MED12L: variants seen among roughly 807,000 people sequenced by gnomAD.
MED12L encodes the protein mediator complex subunit 12L, also known as mediator of RNA polymerase II transcription subunit 12-like protein.
MED12L carries 60 observed loss-of-function variants against 281.3 expected under a neutral mutation model. That is an observed-to-expected ratio of 0.21 (90% confidence interval 0.17 to 0.26). The LOEUF (loss-of-function observed/expected upper bound fraction) is 0.26. MED12L is among the 10% of genes least tolerant of loss of function. The pLI is 1.00. For synonymous variants in MED12L, 974 were observed against 987.2 expected (o/e 0.99, Z 0.25); for missense variants, 2,146 against 2,680.9 (o/e 0.80, Z 4.41).
Position 151,122,957 on chromosome 3 carries a change from TCTATTTTGGC to T in MED12L, c.380_389del (p.Ser127Ter). On this transcript the variant is annotated frameshift_variant, in exon 4 of 45. Transcript: ENST00000687756. LOFTEE classifies it high-confidence loss of function. ...TGACTTAGCAGGAAATAAGCCACTT[TCTATTTTGGC>T]AAAAAAGGTATCAAATATTTCTTAC... 1 of 1,605,510 alleles carries T rather than the reference TCTATTTTGGC, an allele frequency of 6.2e-7. No homozygotes were observed. Among genetic ancestry groups the T allele is most frequent in the Admixed American group, 1.7e-5 (1 of 58,394 alleles).
At chr3:151,115,978 G>T (rs1386379688) in intron 2 of MED12L, among the ~76,000 whole-genome samples, 1 of 148,602 alleles carries the variant, frequency 6.7e-6, no homozygotes, top group Non-Finnish European at 1.5e-5. Context: ...AAAGGAGAAT[G>T]GCTTGAACCC....
intron 5 of MED12L, among the ~76,000 whole-genome samples, chr3:151,137,641 A>G (rs927820913): frequency 6.6e-6 from 1 of 152,184 alleles, no homozygotes; most frequent in South Asian, 2.1e-4. Context: ...CCTATTTAAC[A>G]AGAAAGAGTT....
rs959952125 is a variant in MED12L at position 151,206,220 on chromosome 3, A to G, written c.2250+12554A>G. 3.3e-5 allele frequency among the ~76,000 whole-genome samples: 5 copies of G among 151,826 alleles called. No homozygotes were observed. In the East Asian group the frequency reaches 7.7e-4, roughly 23 times the overall value. ...TAGTTTTAAAGTGAAATGTAGACGT[A>G]TGGTTTCCATGTTACTGTTTCTGTA... On this transcript the variant is annotated intron_variant, in intron 16 of 44. Coordinates refer to ENST00000687756, the MANE Select transcript of MED12L (RefSeq NM_001393769.1).
At chr3:151,424,106 T>A (rs1718582760) in intron 43 of MED12L, among the ~76,000 whole-genome samples, 1 of 152,218 alleles carries the variant, frequency 6.6e-6, no homozygotes, top group South Asian at 2.1e-4. Context: ...CAGGCACAGA[T>A]AATATGATTC....
intron 16 of MED12L, among the ~76,000 whole-genome samples, chr3:151,317,529 CA>C (rs1748440398): frequency 7.7e-6 from 1 of 130,358 alleles, no homozygotes; most frequent in African/African-American, 2.8e-5. Flanking sequence ...CAGCTTGCTG[CA>C]ACCTCCACCT....
chr3:151,126,341 G>A (rs887597927), intron 4 of MED12L, among the ~76,000 whole-genome samples: 4 of 152,100 alleles, frequency 2.6e-5, no homozygotes, highest in Non-Finnish European at 5.9e-5. Context: ...GCCGTGCAGG[G>A]CCTATATGCT....
intron 16 of MED12L, chr3:151,214,085 T>C: frequency 1.2e-6 from 2 of 1,614,052 alleles, no homozygotes; most frequent in Non-Finnish European, 1.7e-6. Context: ...TCACCAAGGA[T>C]CTTGAAAGGA....
At chr3:151,289,522 C>T (rs9863983) in intron 16 of MED12L, among the ~76,000 whole-genome samples, 109,963 of 152,098 alleles carry the variant, frequency 0.72, 40,211 homozygotes, top group Middle Eastern at 0.86. Context: ...TTCTGTGTTA[C>T]GAAAGATATT....
At chr3:151,402,200 C>T (rs1163121833) in intron 39 of MED12L, among the ~76,000 whole-genome samples, 2 of 152,174 alleles carry the variant, frequency 1.3e-5, no homozygotes, top group East Asian at 3.8e-4. Flanking sequence ...TTTGCTTCAT[C>T]TCTATCTCCA....
At chr3:151,136,471 A>G (rs1716155630) in intron 5 of MED12L, among the ~76,000 whole-genome samples, 1 of 152,252 alleles carries the variant, frequency 6.6e-6, no homozygotes, top group African/African-American at 2.4e-5. Flanking sequence ...AAGTGCTTGT[A>G]TAAGCTTAGT....
At chr3:151,175,085 A>G (rs1455798942) in intron 11 of MED12L, among the ~76,000 whole-genome samples, 1 of 152,204 alleles carries the variant, frequency 6.6e-6, no homozygotes, top group African/African-American at 2.4e-5. Flanking sequence ...TGTTAGGCCT[A>G]TTATCTTATA....
At chr3:151,291,584 A>G (rs951252532) in intron 16 of MED12L, among the ~76,000 whole-genome samples, 2 of 152,150 alleles carry the variant, frequency 1.3e-5, no homozygotes, top group South Asian at 2.1e-4. Flanking sequence ...TACTGAATGT[A>G]ATCCAAAAGC....
At chr3:151,302,096 T>A (rs919110681) in intron 16 of MED12L, among the ~76,000 whole-genome samples, 2 of 152,212 alleles carry the variant, frequency 1.3e-5, no homozygotes, top group Non-Finnish European at 2.9e-5. Flanking sequence ...ATTGTATAGA[T>A]GAACCGTGAA....
In MED12L at chr3:151,372,636, G is replaced by A. The variant is rs3732765; in HGVS notation, c.3734G>A (p.Arg1245Gln). Residue 1245 changes from arginine (R) to glutamine (Q), a missense_variant, in exon 27 of 45, where the codon CGA (arginine) becomes CAA (glutamine). Around this residue, in one of 9 missense-constraint regions of MED12L, gnomAD observed 235 missense variants for 260.3 expected, o/e 0.90. Coordinates refer to ENST00000687756, the MANE Select transcript of MED12L (RefSeq NM_001393769.1). ...KNDDFTMRGL[R>Q]CDGNADDIWT... ...GATGACTTCACCATGAGAGGTTTGCGATGTGATGGGAATGCTGATGATATC... is the reference window on the plus strand; with the variant it reads ...GATGACTTCACCATGAGAGGTTTGCAATGTGATGGGAATGCTGATGATATC... 546,849 of 1,613,148 alleles carry A rather than the reference G, an allele frequency of 0.34. 98,006 individuals carry two copies. The highest frequency in any genetic ancestry group is 0.37 in the Non-Finnish European group (435,807 of 1,179,286).
At chr3:151,179,359 C>T (rs1722448848) in intron 11 of MED12L, among the ~76,000 whole-genome samples, 1 of 151,868 alleles carries the variant, frequency 6.6e-6, no homozygotes, top group Non-Finnish European at 1.5e-5. Flanking sequence ...GGGGGTTAAT[C>T]ATAAGAGAAA....
Position 151,253,483 on chromosome 3 carries a change from C to G in MED12L, c.2250+59817C>G, listed in dbSNP as rs944691397. 3.3e-5 allele frequency among the ~76,000 whole-genome samples: 5 copies of G among 152,322 alleles called. No individual in the cohort carries two copies. The South Asian group carries it at 8.3e-4, about 25-fold the overall frequency. The stretch of plus-strand genomic sequence containing the variant: ...CCGTTTCCTAAGCCTGGCATGGGCC[C>G]TCTTAAATTTCAACTTTAGTGGAGC... On this transcript the variant is annotated intron_variant, in intron 16 of 44. Coordinates refer to ENST00000687756, the MANE Select transcript of MED12L (RefSeq NM_001393769.1).
chr3:151,099,293 T>A (rs920115793), intron 2 of MED12L, among the ~76,000 whole-genome samples: 5 of 152,242 alleles, frequency 3.3e-5, no homozygotes, highest in African/African-American at 1.2e-4. Flanking sequence ...GTTTCCAAAC[T>A]TTCTGCTCTT....
At chr3:151,116,202 C>T in intron 2 of MED12L, 136 bp from the exon 3 acceptor site, 1 of 587,232 alleles carries the variant, frequency 1.7e-6, no homozygotes, top group South Asian at 2.3e-5. Context: ...CAATTTCTGC[C>T]TTCTCTGATT....
At chr3:151,315,776 G>T (rs1176154886) in intron 16 of MED12L, among the ~76,000 whole-genome samples, 1 of 152,130 alleles carries the variant, frequency 6.6e-6, no homozygotes, top group African/African-American at 2.4e-5. Context: ...AATTATGAAA[G>T]AAATCTCTTG....
Sources: gnomAD v4.1 joint callset for allele counts (sites outside exome capture counted in the v4.1 genomes callset) on GRCh38, gnomAD v4.1.1 for gene constraint, gnomAD v4.1.1 regional missense constraint, MANE v1.5 for transcripts, NCBI Gene and HGNC (gene_info 2026-07-23, HGNC 2026-07-21) for gene names.